CTBP2: variants seen among roughly 807,000 people sequenced by gnomAD.
CTBP2 encodes the protein C-terminal binding protein 2.
A neutral mutation model predicts 80.3 loss-of-function variants in CTBP2; 30 were observed. The ratio of observed to expected loss-of-function variants is 0.37; its 90% CI spans 0.28 to 0.51. The LOEUF is 0.51. CTBP2 is among the 20% of genes least tolerant of loss of function. The pLI, the probability that CTBP2 is intolerant of heterozygous loss-of-function variation, is 0.93. For missense variants in CTBP2, 1,212 were observed against 1,375.3 expected (o/e 0.88, Z 1.88); for synonymous variants, 594 against 587.4 (o/e 1.01, Z -0.16).
At position 124,996,261 on chromosome 10, in the gene CTBP2, G is replaced by A. The variant is rs1413801286; in HGVS notation, c.2186-1578C>T. 3.3e-5 allele frequency: 5 copies of A among 151,306 alleles called. No homozygotes were observed. The East Asian group carries it at 9.7e-4, about 29-fold the overall frequency. The allele number at this position is 151,306 out of a possible 1,614,324, so 9.4% of individuals were successfully genotyped here. On this transcript the variant is annotated intron_variant, in intron 4 of 8. Transcript: ENST00000309035. ...ACAGGCTGCCTTTCCTTCAGTTTCT[G>A]TCCATGCCCCCAGCCCCAGGCTGCC...
At chr10:125,125,362 G>T (rs981090487) in intron 1 of CTBP2, among the ~76,000 whole-genome samples, 11 of 152,034 alleles carry the variant, frequency 7.2e-5, no homozygotes, top group African/African-American at 2.4e-4. Flanking sequence ...CAGAGAGACA[G>T]ATATAAGCCT....
chr10:125,107,634 T>A (rs1268307035), intron 2 of CTBP2, among the ~76,000 whole-genome samples: 1 of 152,184 alleles, frequency 6.6e-6, no homozygotes, highest in Non-Finnish European at 1.5e-5. Context: ...CAGCCACAAC[T>A]CAGATGGAAA....
intron 1 of CTBP2, chr10:125,005,956 G>C: frequency 6.7e-7 from 1 of 1,486,996 alleles, no homozygotes; most frequent in Admixed American, 2.4e-5. Flanking sequence ...CACGCTGGGC[G>C]CAAGGTGGGA....
At chr10:125,071,217 T>C (rs1346985790) in intron 2 of CTBP2, among the ~76,000 whole-genome samples, 3 of 152,244 alleles carry the variant, frequency 2.0e-5, no homozygotes, top group Non-Finnish European at 4.4e-5. Flanking sequence ...GCAGGCTCCC[T>C]GCTCTGGGAA....
intron 2 of CTBP2, among the ~76,000 whole-genome samples, chr10:125,083,964 A>G (rs1021745464): frequency 6.6e-6 from 1 of 152,090 alleles, no homozygotes; most frequent in South Asian, 2.1e-4. Flanking sequence ...ATTCTTTAGT[A>G]GATATGGGGT....
chr10:125,024,132 T>A (rs1047285239), intron 1 of CTBP2, among the ~76,000 whole-genome samples: 5 of 152,210 alleles, frequency 3.3e-5, no homozygotes, highest in Non-Finnish European at 5.9e-5. Context: ...CTCCGACAGA[T>A]CCAAATGTGA....
intron 1 of CTBP2, among the ~76,000 whole-genome samples, chr10:125,121,335 C>T (rs189163822): frequency 6.6e-6 from 1 of 152,340 alleles, no homozygotes; most frequent in East Asian, 1.9e-4. Flanking sequence ...GCTTTACTCA[C>T]ACGGCTTGGT....
chr10:124,986,346 A>G lies in CTBP2; in HGVS notation c.*3172T>C. 1 of 152,490 alleles carries G rather than the reference A, an allele frequency of 6.6e-6. No homozygotes were observed. The allele number at this position is 152,490 out of a possible 1,614,324, so 9.4% of individuals were successfully genotyped here. A position where few individuals can be genotyped will look rare whatever the true frequency, so the allele number is the denominator to read the frequency against. On this transcript the variant is annotated 3_prime_UTR_variant, in exon 9 of 9. Coordinates refer to ENST00000309035, the MANE Select transcript of CTBP2 (RefSeq NM_022802.3). Reference sequence around the variant, plus strand: ...ACAGTTTTTTCCTTCCCTGTGATGAAAAAGGCTGTGAAAACCTTAAAGTAT... The same window carrying G: ...ACAGTTTTTTCCTTCCCTGTGATGAGAAAGGCTGTGAAAACCTTAAAGTAT...
chr10:125,035,211 G>A (rs1014157652), intron 3 of CTBP2, among the ~76,000 whole-genome samples: 2 of 152,188 alleles, frequency 1.3e-5, no homozygotes, highest in Non-Finnish European at 2.9e-5. Context: ...CTATCTATGT[G>A]TTTCACAGAA....
At chr10:124,998,576 T>G (rs2289432) in intron 3 of CTBP2, 78,551 of 244,730 alleles carry the variant, frequency 0.32, 13,351 homozygotes, top group East Asian at 0.44. Context: ...AGGGTCTCCC[T>G]CATGGAGCTG....
At chr10:125,105,079 C>T (rs899219110) in intron 2 of CTBP2, among the ~76,000 whole-genome samples, 8 of 152,208 alleles carry the variant, frequency 5.3e-5, no homozygotes, top group Non-Finnish European at 1.2e-4. Context: ...CAGTGCACTG[C>T]AGACGTGAGC....
At chr10:125,114,386 C>T (rs1387761708) in intron 1 of CTBP2, among the ~76,000 whole-genome samples, 1 of 152,062 alleles carries the variant, frequency 6.6e-6, no homozygotes, top group Non-Finnish European at 1.5e-5. Context: ...TCACACATCC[C>T]AGAAGAGAAC....
chr10:125,062,811 T>C (rs372418369), intron 2 of CTBP2, among the ~76,000 whole-genome samples: 1 of 152,328 alleles, frequency 6.6e-6, no homozygotes, highest in African/African-American at 2.4e-5. Context: ...TGCACTGAGC[T>C]GAGATTGCGC....
rs1351693426 is a variant in CTBP2, at chr10:125,140,475, T to A, written c.-206+19844A>T. 2.0e-5 allele frequency among the ~76,000 whole-genome samples: 3 copies of A among 152,282 alleles called. No homozygotes were observed. The East Asian group carries it at 5.8e-4, about 29-fold the overall frequency. On this transcript the variant is annotated intron_variant, in intron 1 of 10. Transcript: ENST00000337195. ...AATTAGCAAATGCAGTGATCCCCAC[T>A]TAACAATTTTATAAATTCCAAGACT...
chr10:125,116,868 C>G (rs928626485), intron 1 of CTBP2, among the ~76,000 whole-genome samples: 1 of 152,220 alleles, frequency 6.6e-6, no homozygotes, highest in Non-Finnish European at 1.5e-5. Flanking sequence ...AAAATCTTGT[C>G]AAGAAGCCAA....
intron 1 of CTBP2, among the ~76,000 whole-genome samples, chr10:125,113,174 G>A (rs138109174): frequency 6.6e-6 from 1 of 152,334 alleles, no homozygotes; most frequent in African/African-American, 2.4e-5. Context: ...GAAGTGTTAG[G>A]AAGGGAGGGA....
intron 2 of CTBP2, among the ~76,000 whole-genome samples, chr10:125,079,641 C>A (rs1846872005): frequency 6.6e-6 from 1 of 152,208 alleles, no homozygotes; most frequent in Non-Finnish European, 1.5e-5. Flanking sequence ...ATTATTAATT[C>A]TCCTGTAATG....
intron 2 of CTBP2, among the ~76,000 whole-genome samples, chr10:125,075,866 C>T (rs1016055150): frequency 6.6e-6 from 1 of 152,226 alleles, no homozygotes; most frequent in South Asian, 2.1e-4. Context: ...TCTAGAAAAC[C>T]ACCAGGCGGT....
At chr10:125,160,760 C>T (rs1483200350), upstream of CTBP2, 3 of 132,824 alleles carry the variant, frequency 2.3e-5, no homozygotes, top group Admixed American at 1.5e-4. Flanking sequence ...GCCCCGCGCC[C>T]TCCCGCCCGC....
Sources: gnomAD v4.1 joint callset for allele counts (sites outside exome capture counted in the v4.1 genomes callset) on GRCh38, gnomAD v4.1.1 for gene constraint, MANE v1.5 for transcripts, NCBI Gene and HGNC (gene_info 2026-07-23, HGNC 2026-07-21) for gene names.